ARSL: variants seen among roughly 807,000 people sequenced by gnomAD.
ARSL encodes the protein arylsulfatase E (chondrodysplasia punctata 1).
ARSL carries 4 observed loss-of-function variants against 31.1 expected under a neutral mutation model. The observed-to-expected ratio is 0.13, with a 90% CI of 0.06 to 0.29. The LOEUF (loss-of-function observed/expected upper bound fraction) is 0.29. Ranked by LOEUF, ARSL falls within the 10% of genes least tolerant of loss-of-function variation. The probability of loss-of-function intolerance (pLI) is 1.00; values close to 1 mark genes in which losing one functional copy is unlikely to be tolerated. For synonymous variants in ARSL, 198 were observed against 209.9 expected (o/e 0.94, Z 0.49); for missense variants, 312 against 497.8 (o/e 0.63, Z 3.55).
rs1322405752 is a variant in ARSL at position 2,958,270 on chromosome X, T to C, written c.185+4A>G. 8.3e-7 allele frequency: 1 copy of C among 1,211,645 alleles called. No homozygotes were observed. Among genetic ancestry groups the C allele is most frequent in the Non-Finnish European group, 1.1e-6 (1 of 895,372 alleles). ...CACCAGGTGAGTAATTCTCTGTCCC[T>C]TGCCTCATGGTGTTGTTGCCATAGC... On this transcript the variant is annotated splice_donor_region_variant and intron_variant, in intron 3 of 10. Coordinates refer to ENST00000381134, the MANE Select transcript of ARSL (RefSeq NM_000047.3).
At chrX:2,935,808 G>A (rs2089193321) in intron 10 of ARSL, among the ~76,000 whole-genome samples, 1 of 109,238 alleles carries the variant, frequency 9.2e-6, no homozygotes, top group Non-Finnish European at 1.9e-5. Context: ...CTCACAAGTA[G>A]CTGGGATTAC....
rs2089171989 is a variant in ARSL, at chrX:2,934,684, G to A, written c.*148C>T. 4 of 455,189 alleles carry A rather than the reference G, an allele frequency of 8.8e-6. No homozygotes were observed. The highest frequency in any genetic ancestry group is 1.5e-5 in the Non-Finnish European group (4 of 260,469). The allele number at this position is 455,189 out of a possible 1,213,427, so 37.5% of individuals were successfully genotyped here. ...TTTTGTAGAGCTAGAGTTTCATCAT[G>A]TTGCCCAGGTTGGTTTTGATCACGG... On this transcript the variant is annotated 3_prime_UTR_variant, in exon 11 of 11. Transcript: ENST00000381134.
Position 2,945,245 on chromosome X carries a change from G to A in ARSL, c.991+753C>T, listed in dbSNP as rs1290161315. Reference sequence around the variant, plus strand: ...GGGACAAATGTGAAAGATACTGTGTGGCGTCCACGTGGCCAGAATGCAGCA... The same window carrying A: ...GGGACAAATGTGAAAGATACTGTGTAGCGTCCACGTGGCCAGAATGCAGCA... On this transcript the variant is annotated intron_variant, in intron 7 of 10. Transcript: ENST00000381134. 2.7e-5 allele frequency among the ~76,000 whole-genome samples: 3 copies of A among 110,983 alleles called. No individual in the cohort carries two copies. The East Asian group carries it at 8.5e-4, about 31-fold the overall frequency.
chrX:2,958,348 T>C lies in ARSL; in HGVS notation c.111A>G (p.Arg37=), dbSNP rs758246805. The C allele has an allele frequency of 8.3e-7, 1 of 1,210,301 alleles. No homozygotes were observed. Among genetic ancestry groups the C allele is most frequent in the African/African-American group, 1.7e-5 (1 of 57,221 alleles). The change falls in exon 3 of 11, where the codon CGA becomes CGG. Residue 37 remains arginine (R), a synonymous_variant. Coordinates refer to ENST00000381134, the MANE Select transcript of ARSL (RefSeq NM_000047.3). ...CCGCCATCAGAAGAAGGATGTTCGG[T>C]CGGGAGGCGGAAATGTCGCTGGAAG... ...PSASSDISAS[R]PNILLLMADD...
In ARSL at chrX:2,964,329, G is replaced by C. The variant is rs770911951; in HGVS notation, c.-126C>G. On this transcript the variant is annotated 5_prime_UTR_variant, in exon 1 of 11. Transcript: ENST00000381134. ...GAGCACTTGCACAAGGCTTTGAGCTGGGAATGATTAACTTCGAGTTTGTTT... is the reference window on the plus strand; with the variant it reads ...GAGCACTTGCACAAGGCTTTGAGCTCGGAATGATTAACTTCGAGTTTGTTT... The C allele has an allele frequency of 7.8e-5, 59 of 752,029 alleles. No homozygotes were observed. The African/African-American group carries it at 1.3e-3, about 17-fold the overall frequency. The allele number at this position is 752,029 out of a possible 1,213,427, so 62.0% of individuals were successfully genotyped here.
At chrX:2,951,416 T>C (rs1197696278) in intron 5 of ARSL, among the ~76,000 whole-genome samples, 1 of 110,106 alleles carries the variant, frequency 9.1e-6, no homozygotes, top group African/African-American at 3.3e-5. Context: ...CAATGCTGTC[T>C]GCCATCTGGA....
Position 2,960,420 on chromosome X carries a change from C to G in ARSL, c.-20G>C. On this transcript the variant is annotated splice_region_variant and 5_prime_UTR_variant, in exon 2 of 11. Coordinates refer to ENST00000381134, the MANE Select transcript of ARSL (RefSeq NM_000047.3). ...TAACATGTTGTCTCTCTCTCTACTTCCTGTAAGACATAAAGATGTCCACAA... is the reference window on the plus strand; with the variant it reads ...TAACATGTTGTCTCTCTCTCTACTTGCTGTAAGACATAAAGATGTCCACAA... 3 of 1,206,044 alleles carry G rather than the reference C, an allele frequency of 2.5e-6. No homozygotes were observed. Among genetic ancestry groups the G allele is most frequent in the South Asian group, 1.8e-5 (1 of 56,585 alleles).
chrX:2,948,191 G>T lies in ARSL; in HGVS notation c.854+1113C>A, dbSNP rs573875461. On this transcript the variant is annotated intron_variant, in intron 6 of 10. Coordinates refer to ENST00000381134, the MANE Select transcript of ARSL (RefSeq NM_000047.3). ...TGACAACCTCATTGTCACCAGGTAA[G>T]GTGACTTTTGATGGTGTTACCATCT... is the stretch of plus-strand genomic sequence containing the variant. Among the ~76,000 whole-genome samples, 82 of 111,976 alleles carry T rather than the reference G, an allele frequency of 7.3e-4. 2 individuals are homozygous for T. In the South Asian group the frequency reaches 0.029, roughly 39 times the overall value.
chrX:2,943,655 T>C (rs1401213672), intron 7 of ARSL, among the ~76,000 whole-genome samples: 1 of 94,481 alleles, frequency 1.1e-5, no homozygotes, highest in Non-Finnish European at 2.0e-5. Flanking sequence ...GGCAGGAGAA[T>C]AGCTTAAACC....
At chrX:2,963,261 CG>C (rs760366881) in intron 1 of ARSL, among the ~76,000 whole-genome samples, 127 of 111,265 alleles carry the variant, frequency 1.1e-3, no homozygotes, top group Middle Eastern at 4.7e-3. Flanking sequence ...GCATCTTCAC[CG>C]GGAAAGAGAT....
chrX:2,968,098 T>A, upstream of ARSL: 2 of 1,151,887 alleles, frequency 1.7e-6, no homozygotes, highest in Non-Finnish European at 2.3e-6. Context: ...GGAGCGTCTC[T>A]GCACGTGCAA....
chrX:2,967,869 C>G (rs1289534675), upstream of ARSL, among the ~76,000 whole-genome samples: 5 of 111,668 alleles, frequency 4.5e-5, no homozygotes, highest in African/African-American at 1.3e-4. Context: ...CCTTCAGCAT[C>G]TCTAAGATAA....
chrX:2,950,931 G>A (rs1165193522), intron 5 of ARSL, among the ~76,000 whole-genome samples: 1 of 110,139 alleles, frequency 9.1e-6, no homozygotes, highest in African/African-American at 3.3e-5. Flanking sequence ...GCTTGTGGTC[G>A]CCTCACTTTA....
chrX:2,966,881 CAT>C (rs2089704113), upstream of ARSL, among the ~76,000 whole-genome samples: 1 of 109,127 alleles, frequency 9.2e-6, no homozygotes, highest in African/African-American at 3.3e-5. Flanking sequence ...TTTATGTGTT[CAT>C]ATATGTATGC....
At chrX:2,944,327 G>A (rs1238277358) in intron 7 of ARSL, among the ~76,000 whole-genome samples, 2 of 108,806 alleles carry the variant, frequency 1.8e-5, no homozygotes, top group Non-Finnish European at 3.8e-5. Flanking sequence ...GGTGGCGGGT[G>A]CCTGTAAACC....
chrX:2,955,272 A>G, intron 4 of ARSL, 144 bp downstream of exon 4: 2 of 791,929 alleles, frequency 2.5e-6, no homozygotes, highest in East Asian at 7.0e-5. Flanking sequence ...TGAGCCCAGC[A>G]TTTCAAGACC....
intron 7 of ARSL, 100 bp downstream of exon 7, chrX:2,945,898 T>A (rs2089372126): frequency 8.2e-6 from 9 of 1,099,574 alleles, no homozygotes; most frequent in Non-Finnish European, 1.1e-5. Flanking sequence ...CTGCAATCGC[T>A]ATTCTGCATC....
At chrX:2,961,691 T>G (rs2089636916) in intron 1 of ARSL, among the ~76,000 whole-genome samples, 1 of 111,025 alleles carries the variant, frequency 9.0e-6, no homozygotes, top group African/African-American at 3.3e-5. Flanking sequence ...ACCGGACCCT[T>G]CCAATCCTGA....
chrX:2,965,263 G>T (rs959017124), upstream of ARSL, among the ~76,000 whole-genome samples: 2 of 111,531 alleles, frequency 1.8e-5, no homozygotes, highest in African/African-American at 6.5e-5. Flanking sequence ...CACTTTGGGA[G>T]GACGAGGTGG....
Sources: allele counts gnomAD v4.1 joint callset (sites outside exome capture counted in the v4.1 genomes callset), GRCh38; gene constraint gnomAD v4.1.1; transcripts MANE v1.5; gene names NCBI Gene and HGNC (gene_info 2026-07-23, HGNC 2026-07-21).